The following ADAMTS19 variants were observed in gnomAD, a reference collection of about 807,000 sequenced individuals.
ADAMTS19 encodes A disintegrin and metalloproteinase with thrombospondin motifs 19.
ADAMTS19 carries 93 observed loss-of-function variants against 153.3 expected under a neutral mutation model. That is an observed-to-expected ratio of 0.61 (90% CI 0.51 to 0.72). ADAMTS19 has a LOEUF of 0.72. Ranked by LOEUF, ADAMTS19 falls within the 30% of genes least tolerant of loss-of-function variation. The probability of loss-of-function intolerance (pLI) is 0.00; values close to 1 mark genes in which losing one functional copy is unlikely to be tolerated. For missense variants in ADAMTS19, 1,482 were observed against 1,552.1 expected, an observed-to-expected ratio of 0.95 and a Z score of 0.76; for synonymous variants, 600 against 556.6, an observed-to-expected ratio of 1.08 and a Z score of -1.10.
intron 20 of ADAMTS19, among the ~76,000 whole-genome samples, chr5:129,703,463 T>A (rs1367881873): frequency 2.6e-5 from 4 of 152,218 alleles, no homozygotes; most frequent in Non-Finnish European, 5.9e-5. Flanking sequence ...CTAGGCCCGG[T>A]GGCTCACACC....
At chr5:129,485,780 G>C (rs1355340084) in intron 2 of ADAMTS19, among the ~76,000 whole-genome samples, 2 of 151,910 alleles carry the variant, frequency 1.3e-5, no homozygotes, top group African/African-American at 4.8e-5. Context: ...GTCTCTAATT[G>C]AATGTGTTCA....
rs539675175 is a variant in ADAMTS19 at position 129,602,581 on chromosome 5, TAATA to T, written c.1478+5918_1478+5921del. Among the ~76,000 whole-genome samples, 13 of 152,266 alleles carry T rather than the reference TAATA, an allele frequency of 8.5e-5. No homozygotes were observed. The East Asian group carries it at 2.3e-3, about 27-fold the overall frequency. ...TCATTTTACAGATGAGAAAATAAAC[TAATA>T]GAGATTCATTTTTCAGTTTATGCAA... On this transcript the variant is annotated intron_variant, in intron 8 of 22. Transcript: ENST00000274487.
At chr5:129,630,556 A>G (rs933488032) in intron 10 of ADAMTS19, among the ~76,000 whole-genome samples, 4 of 152,080 alleles carry the variant, frequency 2.6e-5, no homozygotes, top group African/African-American at 9.7e-5. Context: ...TTTGACATTC[A>G]TCTTTTAAAA....
intron 17 of ADAMTS19, among the ~76,000 whole-genome samples, chr5:129,683,437 AATT>A (rs1380709217): frequency 6.6e-6 from 1 of 152,094 alleles, no homozygotes; most frequent in Non-Finnish European, 1.5e-5. Flanking sequence ...ATAACTGTAC[AATT>A]ATTAATATTA....
intron 8 of ADAMTS19, among the ~76,000 whole-genome samples, chr5:129,607,966 T>C (rs1414192591): frequency 1.1e-4 from 15 of 130,570 alleles, no homozygotes; most frequent in African/African-American, 4.2e-4. Flanking sequence ...TACACACACA[T>C]ATATATATTT....
chr5:129,607,915 A>G (rs974198467), intron 8 of ADAMTS19, among the ~76,000 whole-genome samples: 5 of 151,054 alleles, frequency 3.3e-5, no homozygotes, highest in South Asian at 2.1e-4. Flanking sequence ...AGATGGATGT[A>G]TAAAGAAAAT....
At chr5:129,465,974 T>C (rs77953068) in intron 2 of ADAMTS19, among the ~76,000 whole-genome samples, 24 of 152,356 alleles carry the variant, frequency 1.6e-4, no homozygotes, top group African/African-American at 5.8e-4. Flanking sequence ...GCAGGAGCCA[T>C]GCCAGAAGTG....
intron 8 of ADAMTS19, among the ~76,000 whole-genome samples, chr5:129,611,651 T>G (rs1751224246): frequency 3.3e-5 from 5 of 152,272 alleles, no homozygotes; most frequent in Admixed American, 3.3e-4. Flanking sequence ...GGTCTATATC[T>G]CTGTTTTGAT....
At chr5:129,576,088 A>G (rs7720028) in intron 7 of ADAMTS19, among the ~76,000 whole-genome samples, 3,590 of 151,170 alleles carry the variant, frequency 0.024, 112 homozygotes, top group African/African-American at 0.078. Context: ...TGTAGTTTGT[A>G]AAAAAGCTTA....
chr5:129,515,172 T>C (rs924836908), intron 3 of ADAMTS19, among the ~76,000 whole-genome samples: 1 of 152,150 alleles, frequency 6.6e-6, no homozygotes, highest in Admixed American at 6.6e-5. Flanking sequence ...GCCACTACCA[T>C]GCTGTTTTGG....
At chr5:129,551,052 C>T (rs755623553) in intron 6 of ADAMTS19, among the ~76,000 whole-genome samples, 9 of 151,564 alleles carry the variant, frequency 5.9e-5, no homozygotes, top group Non-Finnish European at 8.9e-5. Context: ...CATGTTAAAT[C>T]ATTTAAATTG....
chr5:129,481,343 G>C (rs1474606572), intron 2 of ADAMTS19, among the ~76,000 whole-genome samples: 1 of 152,036 alleles, frequency 6.6e-6, no homozygotes, highest in Non-Finnish European at 1.5e-5. Context: ...GAACAGCGTG[G>C]GGGAAACCAC....
chr5:129,685,283 T>C (rs1755030848), intron 18 of ADAMTS19, among the ~76,000 whole-genome samples: 1 of 152,006 alleles, frequency 6.6e-6, no homozygotes, highest in African/African-American at 2.4e-5. Context: ...TATTAGAGGA[T>C]TGAAACTTGG....
intron 7 of ADAMTS19, among the ~76,000 whole-genome samples, chr5:129,576,613 AT>A (rs1391836830): frequency 7.1e-6 from 1 of 141,298 alleles, no homozygotes; most frequent in East Asian, 2.1e-4. Context: ...TTAAATACCC[AT>A]TTTTTCCAAA....
chr5:129,605,595 T>C (rs888404173), intron 8 of ADAMTS19, among the ~76,000 whole-genome samples: 1 of 152,200 alleles, frequency 6.6e-6, no homozygotes, highest in Non-Finnish European at 1.5e-5. Context: ...ATTTTATTCA[T>C]AAAACTTCAA....
chr5:129,585,021 G>A (rs1441326489), intron 7 of ADAMTS19, among the ~76,000 whole-genome samples: 2 of 152,170 alleles, frequency 1.3e-5, no homozygotes, highest in Non-Finnish European at 2.9e-5. Context: ...CAGGGCCCTG[G>A]TGGTGCAGGC....
intron 7 of ADAMTS19, among the ~76,000 whole-genome samples, chr5:129,585,245 C>T (rs1749722690): frequency 6.6e-6 from 1 of 151,440 alleles, no homozygotes. Context: ...TAACCAGTCC[C>T]AGTGAGATGA....
rs1001776930 is a variant in ADAMTS19, at chr5:129,709,992, C to T, written c.3312+5601C>T. 4.0e-5 allele frequency among the ~76,000 whole-genome samples: 6 copies of T among 151,338 alleles called. No homozygotes were observed. In the South Asian group the frequency reaches 1.0e-3, roughly 26 times the overall value. ...TTTTTTTTAATTTAATTTTAAGTTC[C>T]GGGATACATGTGCAGGACCTGCAGG... On this transcript the variant is annotated intron_variant, in intron 21 of 22. Transcript: ENST00000274487.
chr5:129,531,917 A>G lies in ADAMTS19; in HGVS notation c.1328+3240A>G, dbSNP rs887308651. 2.0e-5 allele frequency among the ~76,000 whole-genome samples: 3 copies of G among 152,202 alleles called. No homozygotes were observed. The East Asian group carries it at 5.8e-4, about 29-fold the overall frequency. On this transcript the variant is annotated intron_variant, in intron 6 of 22. Coordinates refer to ENST00000274487, the MANE Select transcript of ADAMTS19 (RefSeq NM_133638.6). ...CAGTTATAAAAATAATCTATTCAGC[A>G]GATGGTATTAGAATACATCAAATGG...
Sources: allele counts gnomAD v4.1 joint callset (sites outside exome capture counted in the v4.1 genomes callset), GRCh38; gene constraint gnomAD v4.1.1; transcripts MANE v1.5; gene names NCBI Gene and HGNC (gene_info 2026-07-23, HGNC 2026-07-21).